USP31: variants seen among roughly 807,000 people sequenced by gnomAD.
The protein encoded by USP31 is ubiquitin specific peptidase 31.
A neutral mutation model predicts 119.4 loss-of-function variants in USP31; 44 were observed. The ratio of observed to expected loss-of-function variants is 0.37; its 90% CI spans 0.29 to 0.47. USP31 has a LOEUF of 0.47. USP31 is among the 20% of genes least tolerant of loss of function. The probability of loss-of-function intolerance (pLI) is 0.99; values close to 1 mark genes in which losing one functional copy is unlikely to be tolerated. For synonymous variants in USP31, 749 were observed against 705.6 expected, an observed-to-expected ratio of 1.06 and a Z score of -0.97; for missense variants, 1,643 against 1,730.2, an observed-to-expected ratio of 0.95 and a Z score of 0.89.
rs1900046001 is a variant in USP31 at position 23,065,865 on chromosome 16, AGAGATTCAGATAGGAGACTTCAAAT to A, written c.*2156_*2180del. The A allele has an allele frequency of 6.6e-6, 1 of 152,254 alleles. No homozygotes were observed. The highest frequency in any genetic ancestry group is 2.4e-5 in the African/African-American group (1 of 41,474). 9.4% of individuals were successfully genotyped at this position (152,254 alleles called of 1,614,324 possible). On this transcript the variant is annotated 3_prime_UTR_variant, in exon 16 of 16. Transcript: ENST00000219689. ...TGTCTAATCAAACTATAATTGTTTC[AGAGATTCAGATAGGAGACTTCAAAT>A]GAGATCTACCTATTAAACAAAAATG... is the stretch of plus-strand genomic sequence containing the variant.
intron 1 of USP31, among the ~76,000 whole-genome samples, chr16:23,125,320 CA>C (rs1406629707): frequency 6.6e-6 from 1 of 152,148 alleles, no homozygotes; most frequent in African/African-American, 2.4e-5. Context: ...CACAGATTTT[CA>C]AAAGGAAAAG....
In USP31 at chr16:23,122,839, GA is replaced by G. The variant is rs535973851; in HGVS notation, c.634-14657del. 1.6e-3 allele frequency among the ~76,000 whole-genome samples: 250 copies of G among 152,158 alleles called. 3 individuals are homozygous for G. The highest frequency in any genetic ancestry group is 1.5e-3 in the Non-Finnish European group (100 of 67,996). Reference sequence around the variant, plus strand: ...TAATGAGTATGGGGTTTTTGGGGGGGATAATTAAAAATGTTCTAAAATTGAC... The same window carrying G: ...TAATGAGTATGGGGTTTTTGGGGGGGTAATTAAAAATGTTCTAAAATTGAC... On this transcript the variant is annotated intron_variant, in intron 1 of 15. Coordinates refer to ENST00000219689, the MANE Select transcript of USP31 (RefSeq NM_020718.4).
rs781210104 is a variant in USP31, at chr16:23,063,604, T to C, written c.*4442A>G. On this transcript the variant is annotated 3_prime_UTR_variant, in exon 16 of 16. Transcript: ENST00000219689. ...GCAAAATACTTTACAATCTCGCCAA[T>C]GATCAGAAAAACAGCAGAGAAATAT... 7 of 152,456 alleles carry C rather than the reference T, an allele frequency of 4.6e-5. No homozygotes were observed. The highest frequency in any genetic ancestry group is 7.2e-5 in the African/African-American group (3 of 41,384). The allele number at this position is 152,456 out of a possible 1,614,324, so 9.4% of individuals were successfully genotyped here. A position where few individuals can be genotyped will look rare whatever the true frequency, so the allele number is the denominator to read the frequency against.
chr16:23,121,276 T>C (rs1393631931), intron 1 of USP31, among the ~76,000 whole-genome samples: 3 of 152,210 alleles, frequency 2.0e-5, no homozygotes, highest in Non-Finnish European at 4.4e-5. Flanking sequence ...ACCCTATGGA[T>C]ACTTGACAGG....
intron 1 of USP31, among the ~76,000 whole-genome samples, chr16:23,129,985 C>G (rs1596732380): frequency 1.3e-5 from 2 of 152,158 alleles, no homozygotes; most frequent in East Asian, 3.9e-4. Flanking sequence ...TTTCTCTATA[C>G]CAGGCACCAT....
intron 1 of USP31, among the ~76,000 whole-genome samples, chr16:23,143,650 G>A (rs1005447596): frequency 3.3e-5 from 5 of 152,058 alleles, no homozygotes; most frequent in Admixed American, 2.6e-4. Context: ...TTTAAAGGCT[G>A]GGGAAGTAAA....
chr16:23,096,087 T>A lies in USP31; in HGVS notation c.1235-5283A>T, dbSNP rs565220766. On this transcript the variant is annotated intron_variant, in intron 6 of 15. Transcript: ENST00000219689. ...GTCAAGACCCATCAGTGTGCTGTAT[T>A]CAGGAGACCCATCTCATGTGCAGAG... Among the ~76,000 whole-genome samples, 344 of 152,176 alleles carry A rather than the reference T, an allele frequency of 2.3e-3. 1 individual carries two copies. The highest frequency in any genetic ancestry group is 6.5e-3 in the Admixed American group (100 of 15,292).
intron 6 of USP31, among the ~76,000 whole-genome samples, chr16:23,101,871 C>CAA (rs1394286136): frequency 1.3e-5 from 2 of 150,592 alleles, no homozygotes; most frequent in Non-Finnish European, 2.9e-5. Flanking sequence ...CATTTTGCTG[C>CAA]CTATCAATGA....
rs1180411826 is a variant in USP31 at position 23,062,100 on chromosome 16, C to T, written c.*5946G>A. On this transcript the variant is annotated 3_prime_UTR_variant, in exon 16 of 16. Transcript: ENST00000219689. ...GGCCTTTCTAAAGAAACATTTCCAA[C>T]TTGCATGTCTACTTGTATCTTCATT... 6.6e-6 allele frequency: 1 copy of T among 152,646 alleles called. No homozygotes were observed. Among genetic ancestry groups the T allele is most frequent in the Admixed American group, 6.5e-5 (1 of 15,286 alleles). The allele number at this position is 152,646 out of a possible 1,614,324, so 9.5% of individuals were successfully genotyped here.
intron 14 of USP31, chr16:23,072,480 T>C (rs1900388526): frequency 3.4e-6 from 2 of 595,346 alleles, no homozygotes; most frequent in Non-Finnish European, 3.0e-6. Flanking sequence ...GTCTAAAGAA[T>C]TGGCAAGAGA....
chr16:23,075,096 C>T (rs1900508570), intron 13 of USP31, among the ~76,000 whole-genome samples: 1 of 152,074 alleles, frequency 6.6e-6, no homozygotes, highest in African/African-American at 2.4e-5. Context: ...CCAGACAAGT[C>T]CCCCAAAATG....
Position 23,063,761 on chromosome 16 carries a change from T to G in USP31, c.*4285A>C, listed in dbSNP as rs1471016408. 1 of 151,956 alleles carries G rather than the reference T, an allele frequency of 6.6e-6. No homozygotes were observed. Among genetic ancestry groups the G allele is most frequent in the Non-Finnish European group, 1.5e-5 (1 of 68,006 alleles). 9.4% of individuals were successfully genotyped at this position (151,956 alleles called of 1,614,324 possible). ...TTTTTTTTTAAGACTTAACATTTCA[T>G]GTCTATATGTTTTATTGTTTGCTTG... On this transcript the variant is annotated 3_prime_UTR_variant, in exon 16 of 16. Coordinates refer to ENST00000219689, the MANE Select transcript of USP31 (RefSeq NM_020718.4).
chr16:23,104,152 C>T (rs1284279006), intron 5 of USP31, among the ~76,000 whole-genome samples: 1 of 152,180 alleles, frequency 6.6e-6, no homozygotes, highest in Non-Finnish European at 1.5e-5. Flanking sequence ...TTGGACTAGA[C>T]CTATGAGGTC....
chr16:23,101,035 A>G (rs1901830561), intron 6 of USP31, among the ~76,000 whole-genome samples: 1 of 152,208 alleles, frequency 6.6e-6, no homozygotes, highest in African/African-American at 2.4e-5. Flanking sequence ...TGCTCCTTTC[A>G]AGGTGTTTAG....
chr16:23,141,491 C>T (rs1197903579), intron 1 of USP31, among the ~76,000 whole-genome samples: 1 of 151,994 alleles, frequency 6.6e-6, no homozygotes, highest in Non-Finnish European at 1.5e-5. Context: ...GATCTTCCCA[C>T]CTCAGCCTCC....
chr16:23,117,397 G>A (rs1019838682), intron 1 of USP31, among the ~76,000 whole-genome samples: 1 of 152,226 alleles, frequency 6.6e-6, no homozygotes, highest in Admixed American at 6.5e-5. Context: ...AGTAAAGTAT[G>A]CATTCCTCAC....
At chr16:23,071,078 T>C (rs1399697344) in intron 15 of USP31, among the ~76,000 whole-genome samples, 1 of 152,188 alleles carries the variant, frequency 6.6e-6, no homozygotes, top group Non-Finnish European at 1.5e-5. Flanking sequence ...TTCCATAAGA[T>C]GTGAGGAGCC....
intron 6 of USP31, among the ~76,000 whole-genome samples, chr16:23,096,300 C>T (rs1901611596): frequency 6.6e-6 from 1 of 152,106 alleles, no homozygotes; most frequent in Admixed American, 6.5e-5. Context: ...GCTAACTATC[C>T]TACATATATA....
rs866744010 is a variant in USP31 at position 23,136,002 on chromosome 16, A to C, written c.633+12636T>G. On this transcript the variant is annotated intron_variant, in intron 1 of 15. Transcript: ENST00000219689. Reference sequence around the variant, plus strand: ...AAGATAATGCCTAATAAAAACGGACATATAAATCAATGGAATAGAACACAG... The same window carrying C: ...AAGATAATGCCTAATAAAAACGGACCTATAAATCAATGGAATAGAACACAG... Among the ~76,000 whole-genome samples the C allele has an allele frequency of 7.9e-5, 12 of 152,224 alleles. No homozygotes were observed. In the South Asian group the frequency reaches 1.7e-3, roughly 21 times the overall value.
Sources: gnomAD v4.1 joint callset for allele counts (sites outside exome capture counted in the v4.1 genomes callset) on GRCh38, gnomAD v4.1.1 for gene constraint, MANE v1.5 for transcripts, NCBI Gene and HGNC (gene_info 2026-07-23, HGNC 2026-07-21) for gene names.